EXOC6: variants seen among roughly 807,000 people sequenced by gnomAD.
EXOC6 encodes the protein SEC15-like 1.
Under a neutral mutation model 112.5 loss-of-function variants are expected in EXOC6, and 60 were observed. That is an observed-to-expected ratio of 0.53 (90% CI 0.43 to 0.66). The LOEUF is 0.66. EXOC6 is among the 30% of genes least tolerant of loss of function. The pLI is 0.00. For missense variants in EXOC6, 855 were observed against 957.1 expected (o/e 0.89, Z 1.41); for synonymous variants, 295 against 308.0 (o/e 0.96, Z 0.44).
chr10:92,949,951 C>T (rs1224318071), intron 14 of EXOC6, among the ~76,000 whole-genome samples: 1 of 152,138 alleles, frequency 6.6e-6, no homozygotes. Flanking sequence ...TGTGCCTCAT[C>T]TGTCAAATGA....
chr10:92,891,205 C>T (rs377213785), intron 1 of EXOC6, among the ~76,000 whole-genome samples: 4 of 152,048 alleles, frequency 2.6e-5, no homozygotes, highest in African/African-American at 4.8e-5. Flanking sequence ...AATTCATTTT[C>T]GGACATATTT....
chr10:92,912,730 A>G (rs1008780608), intron 6 of EXOC6, among the ~76,000 whole-genome samples: 3 of 152,202 alleles, frequency 2.0e-5, no homozygotes, highest in African/African-American at 4.8e-5. Context: ...CAAACAATCT[A>G]TAGAAACAGG....
At chr10:92,894,324 A>G (rs934563270) in intron 2 of EXOC6, among the ~76,000 whole-genome samples, 3 of 152,232 alleles carry the variant, frequency 2.0e-5, no homozygotes, top group Non-Finnish European at 4.4e-5. Flanking sequence ...CACCTGCAGC[A>G]TTAAAATGTT....
chr10:92,861,791 G>C (rs1301238272), intron 1 of EXOC6, among the ~76,000 whole-genome samples: 4 of 152,146 alleles, frequency 2.6e-5, no homozygotes, highest in African/African-American at 9.7e-5. Context: ...TTCTTTTCCT[G>C]TATGCTCTTA....
chr10:92,968,733 T>C (rs554501920), intron 17 of EXOC6, among the ~76,000 whole-genome samples: 2 of 152,326 alleles, frequency 1.3e-5, no homozygotes, highest in South Asian at 4.1e-4. Context: ...GTTAGGTACT[T>C]TGTTTTAATT....
chr10:93,038,018 C>T (rs1451339669), intron 20 of EXOC6, among the ~76,000 whole-genome samples: 2 of 127,358 alleles, frequency 1.6e-5, no homozygotes, highest in African/African-American at 6.1e-5. Context: ...CCAGCCTGGG[C>T]TACAGAGCGA....
At chr10:92,960,663 G>A (rs192508127) in intron 17 of EXOC6, among the ~76,000 whole-genome samples, 1 of 149,602 alleles carries the variant, frequency 6.7e-6, no homozygotes, top group Admixed American at 6.6e-5. Context: ...TAGCACCGTA[G>A]AAGCCTTCCT....
In EXOC6 at chr10:92,934,266, G is replaced by C. The variant is rs1180375550; in HGVS notation, c.1020-44G>C. The C allele has an allele frequency of 3.2e-6, 5 of 1,539,288 alleles. No homozygotes were observed. In the African/African-American group the frequency reaches 5.7e-5, roughly 18 times the overall value. Reference sequence around the variant, plus strand: ...TGCCAGAAATACTTACTTTCTATTAGGGTTTTTTTTTTTAACACATGCTTT... The same window carrying C: ...TGCCAGAAATACTTACTTTCTATTACGGTTTTTTTTTTTAACACATGCTTT... On this transcript the variant is annotated intron_variant, in intron 10 of 21. Transcript: ENST00000260762.
chr10:92,952,438 CTTTATT>C, intron 15 of EXOC6, 56 bp downstream of exon 15: 1 of 1,100,880 alleles, frequency 9.1e-7, no homozygotes, highest in South Asian at 1.3e-5. Flanking sequence ...AACATTAATA[CTTTATT>C]TTTATGCCAT....
At chr10:93,013,492 C>T (rs1844353364) in intron 19 of EXOC6, among the ~76,000 whole-genome samples, 1 of 152,084 alleles carries the variant, frequency 6.6e-6, no homozygotes, top group African/African-American at 2.4e-5. Context: ...CCTGTAGTCC[C>T]AGCTACTCGG....
chr10:92,978,781 T>C (rs1842724394), intron 18 of EXOC6, among the ~76,000 whole-genome samples: 1 of 152,196 alleles, frequency 6.6e-6, no homozygotes, highest in Non-Finnish European at 1.5e-5. Context: ...TCTTTAACCC[T>C]CAAAGAAGCT....
At chr10:92,991,649 C>T (rs899853142) in intron 18 of EXOC6, among the ~76,000 whole-genome samples, 1 of 152,128 alleles carries the variant, frequency 6.6e-6, no homozygotes, top group East Asian at 1.9e-4. Context: ...AGTAAAAATA[C>T]GCCATGTATT....
chr10:92,966,549 G>A (rs1221039922), intron 17 of EXOC6, among the ~76,000 whole-genome samples: 1 of 148,448 alleles, frequency 6.7e-6, no homozygotes, highest in Non-Finnish European at 1.5e-5. Flanking sequence ...TTGGTTTTTT[G>A]GTCCTTGCGA....
intron 20 of EXOC6, among the ~76,000 whole-genome samples, chr10:93,026,156 T>C (rs909758943): frequency 4.6e-5 from 7 of 152,250 alleles, no homozygotes; most frequent in African/African-American, 1.7e-4. Context: ...GGTAGACATA[T>C]GAAGTGATTC....
At chr10:92,920,582 G>A (rs955846505) in intron 8 of EXOC6, among the ~76,000 whole-genome samples, 4 of 152,116 alleles carry the variant, frequency 2.6e-5, no homozygotes, top group African/African-American at 9.7e-5. Flanking sequence ...ATTAGGTGGT[G>A]TGTTCTATAG....
chr10:92,956,336 A>G (rs1442103568), intron 17 of EXOC6, among the ~76,000 whole-genome samples: 1 of 152,152 alleles, frequency 6.6e-6, no homozygotes, highest in Non-Finnish European at 1.5e-5. Flanking sequence ...TATTAAACTA[A>G]TGATAAACCA....
At chr10:92,956,799 A>C (rs1189482208) in intron 17 of EXOC6, among the ~76,000 whole-genome samples, 1 of 152,192 alleles carries the variant, frequency 6.6e-6, no homozygotes, top group Non-Finnish European at 1.5e-5. Context: ...CTCTGAAGTT[A>C]GATTGCTCTG....
At chr10:93,020,956 C>G (rs1844757023) in intron 20 of EXOC6, among the ~76,000 whole-genome samples, 1 of 150,242 alleles carries the variant, frequency 6.7e-6, no homozygotes, top group South Asian at 2.1e-4. Flanking sequence ...GAAGTTTGGA[C>G]CTGTCAAGGA....
At chr10:93,021,301 A>G (rs1263181206) in intron 20 of EXOC6, among the ~76,000 whole-genome samples, 1 of 152,122 alleles carries the variant, frequency 6.6e-6, no homozygotes, top group Non-Finnish European at 1.5e-5. Context: ...GCAACATAGC[A>G]AGACCCTACC....
Sources: gnomAD v4.1 joint callset for allele counts (sites outside exome capture counted in the v4.1 genomes callset) on GRCh38, gnomAD v4.1.1 for gene constraint, MANE v1.5 for transcripts, NCBI Gene and HGNC (gene_info 2026-07-23, HGNC 2026-07-21) for gene names.